Variants in SLC14A2 observed in about 807,000 individuals in gnomAD.
SLC14A2 encodes solute carrier family 14 member 2.
In SLC14A2, 91 loss-of-function variants were observed where a neutral mutation model predicts 104.6. The observed-to-expected ratio is 0.87, with a 90% CI of 0.73 to 1.04. The LOEUF (loss-of-function observed/expected upper bound fraction) is 1.04, where lower values mean the gene tolerates loss of function less well. SLC14A2 is among the 50% of genes least tolerant of loss of function. The pLI is 0.00. For synonymous variants in SLC14A2, 476 were observed against 466.4 expected, an observed-to-expected ratio of 1.02 and a Z score of -0.27; for missense variants, 1,189 against 1,156.0, an observed-to-expected ratio of 1.03 and a Z score of -0.41.
intron 2 of SLC14A2, among the ~76,000 whole-genome samples, chr18:45,605,855 G>A (rs1056041809): frequency 2.6e-5 from 4 of 152,100 alleles, no homozygotes; most frequent in African/African-American, 9.7e-5. Context: ...GTCTCCAGAA[G>A]GGTGATGAAG....
chr18:45,488,110 T>G (rs1421184), intron 2 of SLC14A2, among the ~76,000 whole-genome samples: 11,402 of 152,174 alleles, frequency 0.075, 559 homozygotes, highest in East Asian at 0.21. Context: ...AGGAAAATAG[T>G]CATGTGTTTC....
chr18:45,287,963 A>C (rs549229749), intron 1 of SLC14A2, among the ~76,000 whole-genome samples: 6 of 152,228 alleles, frequency 3.9e-5, no homozygotes, highest in Non-Finnish European at 8.8e-5. Context: ...ACTCGCCTGC[A>C]GTCCTAGCTC....
At chr18:45,579,079 C>T (rs1376628469) in intron 2 of SLC14A2, among the ~76,000 whole-genome samples, 1 of 135,588 alleles carries the variant, frequency 7.4e-6, no homozygotes, top group East Asian at 2.1e-4. Flanking sequence ...AGGTGTCCAA[C>T]AGAGAAAGCA....
At chr18:45,661,858 G>C (rs776540393) in intron 10 of SLC14A2, among the ~76,000 whole-genome samples, 1 of 152,172 alleles carries the variant, frequency 6.6e-6, no homozygotes, top group Admixed American at 6.5e-5. Context: ...TGACACTCCA[G>C]GTATCTCTGA....
intron 2 of SLC14A2, among the ~76,000 whole-genome samples, chr18:45,562,114 A>T (rs2044207874): frequency 6.6e-6 from 1 of 152,202 alleles, no homozygotes; most frequent in Admixed American, 6.5e-5. Context: ...GTTCAAATGC[A>T]ATTAGTACAC....
chr18:45,576,472 G>A (rs1467597509), intron 2 of SLC14A2, among the ~76,000 whole-genome samples: 2 of 151,936 alleles, frequency 1.3e-5, no homozygotes, highest in Non-Finnish European at 2.9e-5. Flanking sequence ...TTTTAGTAGA[G>A]ACGGGTTTCA....
intron 2 of SLC14A2, among the ~76,000 whole-genome samples, chr18:45,520,405 T>G (rs2043501220): frequency 6.6e-6 from 1 of 152,184 alleles, no homozygotes; most frequent in South Asian, 2.1e-4. Context: ...TCCATGGGCA[T>G]GCCTTAAACA....
At chr18:45,222,993 G>A (rs912372809) in intron 1 of SLC14A2, among the ~76,000 whole-genome samples, 2 of 152,170 alleles carry the variant, frequency 1.3e-5, no homozygotes, top group Admixed American at 6.5e-5. Flanking sequence ...AAACAAGGAG[G>A]GTGTGAGGGC....
chr18:45,277,603 C>A (rs1045649672), intron 1 of SLC14A2, among the ~76,000 whole-genome samples: 23 of 152,064 alleles, frequency 1.5e-4, no homozygotes, highest in African/African-American at 5.6e-4. Flanking sequence ...GAGACAGGGT[C>A]TTGCCATGTT....
chr18:45,663,934 G>A (rs373709227), intron 11 of SLC14A2, 27 bp downstream of exon 11: 1 of 1,591,208 alleles, frequency 6.3e-7, no homozygotes, highest in Non-Finnish European at 8.6e-7. Context: ...CCTCACGCTT[G>A]GATCCCTGCC....
intron 2 of SLC14A2, among the ~76,000 whole-genome samples, chr18:45,496,779 G>A (rs932722151): frequency 4.0e-5 from 6 of 150,570 alleles, no homozygotes; most frequent in African/African-American, 7.3e-5. Flanking sequence ...GCAAGACTCC[G>A]TCTCAAAAAA....
intron 1 of SLC14A2, among the ~76,000 whole-genome samples, chr18:45,294,852 G>A (rs1288328064): frequency 6.6e-6 from 1 of 152,132 alleles, no homozygotes; most frequent in Admixed American, 6.5e-5. Flanking sequence ...CAAACACATG[G>A]CAGTATCTGT....
intron 1 of SLC14A2, among the ~76,000 whole-genome samples, chr18:45,233,491 C>T (rs148538699): frequency 6.6e-6 from 1 of 152,180 alleles, no homozygotes; most frequent in Non-Finnish European, 1.5e-5. Context: ...AGAAACCAAA[C>T]AAAAAAGTCC....
chr18:45,498,176 T>G (rs2043133216), intron 2 of SLC14A2, among the ~76,000 whole-genome samples: 2 of 152,186 alleles, frequency 1.3e-5, no homozygotes, highest in Non-Finnish European at 2.9e-5. Context: ...ATGCAATATA[T>G]CTGTACATTG....
At chr18:45,411,853 C>T (rs989865772) in intron 1 of SLC14A2, among the ~76,000 whole-genome samples, 4 of 152,100 alleles carry the variant, frequency 2.6e-5, no homozygotes, top group African/African-American at 9.7e-5. Context: ...CTGTGAAGAG[C>T]ACCAGAACAG....
chr18:45,565,567 C>T (rs969120637), intron 2 of SLC14A2, among the ~76,000 whole-genome samples: 1 of 152,166 alleles, frequency 6.6e-6, no homozygotes, highest in Admixed American at 6.5e-5. Flanking sequence ...ATCAGTCTGA[C>T]ACATGAGGAC....
the SLC14A2 span, among the ~76,000 whole-genome samples, chr18:45,187,816 G>T: frequency 6.6e-6 from 1 of 152,124 alleles, no homozygotes; most frequent in Non-Finnish European, 1.5e-5. Flanking sequence ...TCTGTTTTGG[G>T]AGAATATTGT....
chr18:45,483,787 C>A (rs896000067), intron 2 of SLC14A2, among the ~76,000 whole-genome samples: 1 of 152,136 alleles, frequency 6.6e-6, no homozygotes, highest in African/African-American at 2.4e-5. Flanking sequence ...TAAAGTTTAT[C>A]TTAAGGTCAC....
chr18:45,501,112 C>T (rs1023992724), intron 2 of SLC14A2, among the ~76,000 whole-genome samples: 3 of 152,252 alleles, frequency 2.0e-5, no homozygotes, highest in African/African-American at 7.2e-5. Context: ...TGTATTGTCC[C>T]GTTTTACCAG....
Sources: gnomAD v4.1 joint callset for allele counts (sites outside exome capture counted in the v4.1 genomes callset) on GRCh38, gnomAD v4.1.1 for gene constraint, MANE v1.5 for transcripts, NCBI Gene and HGNC (gene_info 2026-07-23, HGNC 2026-07-21) for gene names.